TRPM6: variants seen among roughly 807,000 people sequenced by gnomAD.
TRPM6 encodes the protein channel kinase 2.
A neutral mutation model predicts 247.6 loss-of-function variants in TRPM6; 111 were observed. The ratio of observed to expected loss-of-function variants is 0.45; its 90% CI spans 0.38 to 0.52. TRPM6 has a LOEUF of 0.52. Among genes scored for constraint, TRPM6 ranks in the 20% least tolerant of loss-of-function variants. The pLI is 0.00. For synonymous variants in TRPM6, 892 were observed against 853.8 expected (o/e 1.04, Z -0.78); for missense variants, 2,126 against 2,421.5 (o/e 0.88, Z 2.56).
intron 3 of TRPM6, among the ~76,000 whole-genome samples, chr9:74,846,342 C>T (rs1830107141): frequency 6.6e-6 from 1 of 151,996 alleles, no homozygotes; most frequent in African/African-American, 2.4e-5. Context: ...AAGGGAAATT[C>T]ATATTTCTAC....
intron 5 of TRPM6, among the ~76,000 whole-genome samples, chr9:74,837,550 C>T (rs1829767610): frequency 6.6e-6 from 1 of 152,010 alleles, no homozygotes; most frequent in East Asian, 1.9e-4. Context: ...GGGTTCATGC[C>T]ATTCTCCTGC....
At chr9:74,842,399 T>C in intron 3 of TRPM6, 56 bp from the exon 4 acceptor site, 2 of 1,572,786 alleles carry the variant, frequency 1.3e-6, no homozygotes, top group Non-Finnish European at 1.8e-6. Flanking sequence ...AGATGCAATA[T>C]GTCTACCTTT....
chr9:74,828,016 A>C lies in TRPM6; in HGVS notation c.670-67T>G, dbSNP rs879013805. ...CCTTCCCCAGGCTCACCTGCTCCAA[A>C]GGCCTATCTTTATGTGCTAAAAGAG... On this transcript the variant is annotated intron_variant, in intron 6 of 38. Coordinates refer to ENST00000360774, the MANE Select transcript of TRPM6 (RefSeq NM_017662.5). The C allele has an allele frequency of 3.9e-6, 6 of 1,520,678 alleles. No individual in the cohort carries two copies. The South Asian group carries it at 4.6e-5, about 12-fold the overall frequency. The allele number at this position is 1,520,678 out of a possible 1,614,324, so 94.2% of individuals were successfully genotyped here. A position where few individuals can be genotyped will look rare whatever the true frequency, so the allele number is the denominator to read the frequency against.
At chr9:74,795,583 G>A (rs754246794) in intron 18 of TRPM6, among the ~76,000 whole-genome samples, 32 of 151,998 alleles carry the variant, frequency 2.1e-4, no homozygotes, top group African/African-American at 7.0e-4. Context: ...TCACCACATC[G>A]TCAAGTCAGG....
At chr9:74,839,892 AGGAGGGAG>A in intron 5 of TRPM6, 124 bp downstream of exon 5, 3 of 210,468 alleles carry the variant, frequency 1.4e-5, no homozygotes, top group Non-Finnish European at 1.5e-5. Context: ...GAAGGAAGGA[AGGAGGGAG>A]GGAGGGAGGG....
intron 6 of TRPM6, among the ~76,000 whole-genome samples, chr9:74,829,138 C>T (rs896389098): frequency 1.6e-4 from 25 of 151,808 alleles, no homozygotes; most frequent in Admixed American, 1.2e-3. Context: ...ACCAAAAATA[C>T]AAAAATTAGC....
Position 74,762,741 on chromosome 9 carries a change from A to G in TRPM6, c.3930T>C (p.Ala1310=). 1 of 1,614,108 alleles carries G rather than the reference A, an allele frequency of 6.2e-7. No individual in the cohort carries two copies. Among genetic ancestry groups the G allele is most frequent in the Non-Finnish European group, 8.5e-7 (1 of 1,180,016 alleles). Residue 1310 remains alanine, a synonymous_variant, in exon 26 of 39, where the codon GCT becomes GCC. Transcript: ENST00000360774. Reference sequence around the variant, plus strand: ...TTTCCTGGTCATTTCTTACATTTGTAGCCTCTCTTTTACTGTTTGTAATCT... The same window carrying G: ...TTTCCTGGTCATTTCTTACATTTGTGGCCTCTCTTTTACTGTTTGTAATCT... ...LLEITNSKRE[A]TNVRNDQERQ... is the part of the protein sequence containing the mutation.
intron 27 of TRPM6, among the ~76,000 whole-genome samples, 195 bp from the exon 28 acceptor site, chr9:74,755,668 C>T (rs1311186861): frequency 6.6e-6 from 1 of 152,184 alleles, no homozygotes; most frequent in African/African-American, 2.4e-5. Flanking sequence ...TCTTTGCAGT[C>T]ATGACTGAGA....
intron 3 of TRPM6, among the ~76,000 whole-genome samples, chr9:74,853,308 C>T (rs909414117): frequency 2.0e-5 from 3 of 151,858 alleles, no homozygotes; most frequent in Non-Finnish European, 4.4e-5. Flanking sequence ...CCGCCCCATC[C>T]GGGAGGTTGG....
intron 33 of TRPM6, among the ~76,000 whole-genome samples, chr9:74,740,277 G>A (rs1459378376): frequency 6.6e-6 from 1 of 152,112 alleles, no homozygotes; most frequent in Non-Finnish European, 1.5e-5. Context: ...GACTATAACT[G>A]GACAAAAACA....
At position 74,752,303 on chromosome 9, in the gene TRPM6, T is replaced by A; in HGVS notation, c.4972A>T (p.Ser1658Cys). 1 of 1,600,758 alleles carries A rather than the reference T, an allele frequency of 6.2e-7. No homozygotes were observed. Among genetic ancestry groups the A allele is most frequent in the South Asian group, 1.1e-5 (1 of 90,268 alleles). The change falls in exon 29 of 39, where the codon AGT (serine) becomes TGT (cysteine). Residue 1658 changes from serine (S) to cysteine (C), a missense_variant. Ser to Cys is a moderately radical substitution (Grantham distance 112). This residue lies in a region of TRPM6 where 717 missense variants were observed against 715.9 expected (regional missense o/e 1.00). Coordinates refer to ENST00000360774, the MANE Select transcript of TRPM6 (RefSeq NM_017662.5). ...TCTTGAGACTGCTTTAGGTAATCAC[T>A]GATTTGTATAGCACATTGTCCAATT... is the stretch of plus-strand genomic sequence containing the variant. Reference protein sequence around the residue: ...KEIGQCAIQISDYLKQSQEDL... With the variant: ...KEIGQCAIQICDYLKQSQEDL...
At chr9:74,879,614 C>G (rs1487488202) in intron 1 of TRPM6, among the ~76,000 whole-genome samples, 1 of 151,926 alleles carries the variant, frequency 6.6e-6, no homozygotes, top group African/African-American at 2.4e-5. Context: ...CACCCTATAC[C>G]CTGGGAGAAG....
intron 29 of TRPM6, among the ~76,000 whole-genome samples, chr9:74,751,026 A>G (rs1316492999): frequency 6.6e-6 from 1 of 152,220 alleles, no homozygotes; most frequent in Non-Finnish European, 1.5e-5. Context: ...AGGACTAAAC[A>G]TACACAATCA....
chr9:74,724,774 T>A (rs558208808), intron 38 of TRPM6, 28 bp from the exon 39 acceptor site: 1 of 1,613,898 alleles, frequency 6.2e-7, no homozygotes, highest in South Asian at 1.1e-5. Flanking sequence ...AAAAAGGTTA[T>A]AGTGGAACCC....
At chr9:74,794,624 T>TA in intron 18 of TRPM6, among the ~76,000 whole-genome samples, 1 of 152,320 alleles carries the variant, frequency 6.6e-6, no homozygotes, top group Non-Finnish European at 1.5e-5. Context: ...ACTTTATTAT[T>TA]AAATAACTTC....
rs1828287047 is a variant in TRPM6, at chr9:74,800,495, T to C, written c.2010-13A>G. 1 of 1,607,020 alleles carries C rather than the reference T, an allele frequency of 6.2e-7. No individual in the cohort carries two copies. The highest frequency in any genetic ancestry group is 8.5e-7 in the Non-Finnish European group (1 of 1,173,944). ...CTGGCCAAACTGTCTGCCATGAGGG[T>C]GGCCAATTAAGAAAACAAAGGCAGG... On this transcript the variant is annotated splice_polypyrimidine_tract_variant and intron_variant, in intron 16 of 38. Coordinates refer to ENST00000360774, the MANE Select transcript of TRPM6 (RefSeq NM_017662.5).
intron 36 of TRPM6, among the ~76,000 whole-genome samples, chr9:74,733,837 C>A (rs112905091): frequency 1.3e-5 from 2 of 152,104 alleles, no homozygotes; most frequent in South Asian, 4.1e-4. Flanking sequence ...GGATTACAGG[C>A]GTGAGCCACC....
Position 74,858,333 on chromosome 9 carries a change from G to A in TRPM6, c.113+336C>T, listed in dbSNP as rs145141511. 6.5e-3 allele frequency among the ~76,000 whole-genome samples: 985 copies of A among 152,302 alleles called. 16 individuals carry two copies. Among genetic ancestry groups the A allele is most frequent in the African/African-American group, 0.023 (948 of 41,574 alleles). Reference sequence around the variant, plus strand: ...ACCCAGGAGGTGGAGGTTGCAGTGAGCTGAGATTGCGCCACTGCACTCCAG... The same window carrying A: ...ACCCAGGAGGTGGAGGTTGCAGTGAACTGAGATTGCGCCACTGCACTCCAG... On this transcript the variant is annotated intron_variant, in intron 2 of 38. Transcript: ENST00000360774.
chr9:74,873,503 C>A (rs745352539), intron 1 of TRPM6, among the ~76,000 whole-genome samples: 1 of 152,138 alleles, frequency 6.6e-6, no homozygotes, highest in African/African-American at 2.4e-5. Flanking sequence ...TAAGCACATA[C>A]GAGAATTATG....
Sources: gnomAD v4.1 joint callset for allele counts (sites outside exome capture counted in the v4.1 genomes callset) on GRCh38, gnomAD v4.1.1 for gene constraint, gnomAD v4.1.1 regional missense constraint, MANE v1.5 for transcripts, NCBI Gene and HGNC (gene_info 2026-07-23, HGNC 2026-07-21) for gene names.